Variants in TNKS observed in about 807,000 individuals in gnomAD.
The protein encoded by TNKS is poly [ADP-ribose] polymerase tankyrase-1.
Under a neutral mutation model 135.8 loss-of-function variants are expected in TNKS, and 72 were observed. The observed-to-expected ratio is 0.53, with a 90% CI of 0.44 to 0.64. The LOEUF is 0.64. Ranked by LOEUF, TNKS falls within the 30% of genes least tolerant of loss-of-function variation. The probability of loss-of-function intolerance (pLI) is 0.00; values close to 1 mark genes in which losing one functional copy is unlikely to be tolerated. For missense variants in TNKS, 1,769 were observed against 1,674.0 expected, an observed-to-expected ratio of 1.06 and a Z score of -0.99; for synonymous variants, 849 against 649.3, an observed-to-expected ratio of 1.31 and a Z score of -4.68.
chr8:9,685,469 T>C (rs1802950432), intron 5 of TNKS, among the ~76,000 whole-genome samples: 1 of 152,188 alleles, frequency 6.6e-6, no homozygotes, highest in South Asian at 2.1e-4. Flanking sequence ...TCCTACTCCT[T>C]TGATAATTTT....
chr8:9,770,183 C>T lies in TNKS; in HGVS notation c.3818C>T (p.Pro1273Leu). 6.2e-7 allele frequency: 1 copy of T among 1,613,452 alleles called. No homozygotes were observed. Among genetic ancestry groups the T allele is most frequent in the Non-Finnish European group, 8.5e-7 (1 of 1,179,958 alleles). The change falls in exon 26 of 27, where the codon CCA becomes CTA. Residue 1273 changes from proline (P) to leucine (L), a missense_variant. Physicochemically the swap from Pro to Leu is moderately conservative, Grantham distance 98. Around this residue, in one of 5 missense-constraint regions of TNKS, gnomAD observed 722 missense variants for 688.9 expected, o/e 1.05. Coordinates refer to ENST00000310430, the MANE Select transcript of TNKS (RefSeq NM_003747.3). ...FSTMKMAHAP[P>L]GHHSVIGRPS... ...ACCATGAAAATGGCCCACGCGCCTC[C>T]AGGGCACCACTCAGTCATTGGTAGA... is the stretch of plus-strand genomic sequence containing the variant.
chr8:9,590,738 A>G (rs925154398), intron 2 of TNKS, among the ~76,000 whole-genome samples: 2 of 152,122 alleles, frequency 1.3e-5, no homozygotes, highest in Admixed American at 6.5e-5. Flanking sequence ...GTCTATTCCT[A>G]TCTTTGTCCG....
intron 1 of TNKS, among the ~76,000 whole-genome samples, chr8:9,569,481 T>A (rs1797678890): frequency 6.6e-6 from 1 of 152,214 alleles, no homozygotes; most frequent in South Asian, 2.1e-4. Flanking sequence ...TCAGTACTAT[T>A]TTGTGGGAGA....
In TNKS at chr8:9,555,997, C is replaced by G. The variant is rs1815266339; in HGVS notation, c.58C>G (p.Pro20Ala). 9.9e-6 allele frequency: 16 copies of G among 1,613,406 alleles called. No homozygotes were observed. The highest frequency in any genetic ancestry group is 1.4e-5 in the Non-Finnish European group (16 of 1,179,868). The change falls in exon 1 of 27, where the codon CCC becomes GCC. Residue 20 changes from proline (P) to alanine (A), a missense_variant. Physicochemically the swap from Pro to Ala is conservative, Grantham distance 27 (BLOSUM62 -1). Around this residue, in one of 5 missense-constraint regions of TNKS, gnomAD observed 450 missense variants for 304.9 expected, o/e 1.48. Transcript: ENST00000310430. ...HHHHHQQQLQ[P>A]APGASAPPPP... is the part of the protein sequence containing the mutation. ...CCACCATCATCAACAACAGCTCCAG[C>G]CCGCCCCAGGGGCTTCAGCGCCGCC...
intron 3 of TNKS, among the ~76,000 whole-genome samples, chr8:9,627,552 C>G (rs1442892478): frequency 8.3e-6 from 1 of 120,582 alleles, no homozygotes; most frequent in Non-Finnish European, 1.7e-5. Context: ...TGCTTGCTTG[C>G]TTGCTTGCTT....
At chr8:9,751,567 A>G (rs1223377233) in intron 18 of TNKS, 42 bp from the exon 19 acceptor site, 7 of 1,558,274 alleles carry the variant, frequency 4.5e-6, no homozygotes, top group Non-Finnish European at 6.1e-6. Flanking sequence ...CCATTTTAAT[A>G]TATAGTATTT....
intron 2 of TNKS, among the ~76,000 whole-genome samples, chr8:9,598,326 T>C (rs1200158322): frequency 9.9e-5 from 15 of 152,092 alleles, no homozygotes; most frequent in African/African-American, 3.4e-4. Context: ...GGATTACAGG[T>C]GTGAGCCACC....
At chr8:9,750,436 T>A (rs1806460552) in intron 18 of TNKS, among the ~76,000 whole-genome samples, 1 of 152,200 alleles carries the variant, frequency 6.6e-6, no homozygotes, top group East Asian at 1.9e-4. Context: ...CAAGGCAGAA[T>A]TTGTTCTGGA....
At chr8:9,596,540 A>G (rs1331821097) in intron 2 of TNKS, among the ~76,000 whole-genome samples, 1 of 152,214 alleles carries the variant, frequency 6.6e-6, no homozygotes, top group African/African-American at 2.4e-5. Context: ...TTCATATGTA[A>G]GCAGAATCCA....
intron 3 of TNKS, among the ~76,000 whole-genome samples, chr8:9,652,143 A>G (rs1187855912): frequency 6.6e-6 from 1 of 152,234 alleles, no homozygotes; most frequent in Non-Finnish European, 1.5e-5. Flanking sequence ...TTAGAAGTCA[A>G]TAGGTCACCA....
chr8:9,710,711 A>T (rs1378436252), intron 11 of TNKS, among the ~76,000 whole-genome samples: 1 of 152,152 alleles, frequency 6.6e-6, no homozygotes, highest in Non-Finnish European at 1.5e-5. Context: ...CCTGGCTAAG[A>T]CGGTGAAACC....
At chr8:9,729,612 C>T (rs1287768103) in intron 13 of TNKS, among the ~76,000 whole-genome samples, 1 of 152,060 alleles carries the variant, frequency 6.6e-6, no homozygotes, top group Non-Finnish European at 1.5e-5. Flanking sequence ...AGTCTTTATT[C>T]TACCCCTTAC....
intron 3 of TNKS, among the ~76,000 whole-genome samples, chr8:9,645,051 A>G (rs887982192): frequency 3.3e-5 from 5 of 152,152 alleles, no homozygotes; most frequent in Admixed American, 2.6e-4. Flanking sequence ...ATTTTATTAC[A>G]CAAAGTTAAA....
chr8:9,562,180 G>A (rs760855480), intron 1 of TNKS, among the ~76,000 whole-genome samples: 2 of 151,778 alleles, frequency 1.3e-5, no homozygotes, highest in Non-Finnish European at 2.9e-5. Context: ...GTTTTATTCA[G>A]TTTTGTTGGG....
chr8:9,697,828 C>T (rs1000104906), intron 5 of TNKS, among the ~76,000 whole-genome samples: 5 of 152,066 alleles, frequency 3.3e-5, no homozygotes, highest in Admixed American at 6.6e-5. Context: ...TGCTTATACA[C>T]TGTGGAATGC....
At chr8:9,764,831 G>C in intron 23 of TNKS, 41 bp downstream of exon 23, 4 of 1,514,432 alleles carry the variant, frequency 2.6e-6, no homozygotes, top group Non-Finnish European at 3.6e-6. Flanking sequence ...GGATTGCAAG[G>C]CTTGCCTAAA....
At chr8:9,668,743 A>G (rs908387211) in intron 3 of TNKS, among the ~76,000 whole-genome samples, 1 of 152,220 alleles carries the variant, frequency 6.6e-6, no homozygotes, top group Non-Finnish European at 1.5e-5. Context: ...AACATGAGCA[A>G]AGACATTCAG....
rs551120487 is a variant in TNKS, at chr8:9,569,001, A to C, written c.674-11158A>C. Among the ~76,000 whole-genome samples, 4 of 152,346 alleles carry C rather than the reference A, an allele frequency of 2.6e-5. No individual in the cohort carries two copies. In the South Asian group the frequency reaches 8.3e-4, roughly 32 times the overall value. On this transcript the variant is annotated intron_variant, in intron 1 of 26. Transcript: ENST00000310430. ...TTCTTGAAGCTGTGCAGATATTCCA[A>C]ATGTTGACACATTTTACTTTGTAAT...
chr8:9,603,843 C>T lies in TNKS; in HGVS notation c.899-11739C>T, dbSNP rs565637043. Among the ~76,000 whole-genome samples, 17 of 152,034 alleles carry T rather than the reference C, an allele frequency of 1.1e-4. 2 individuals are homozygous for T. The highest frequency in any genetic ancestry group is 4.1e-4 in the African/African-American group (17 of 41,334). ...GATATTAAGAGAGAACAGAACTCAT[C>T]ACTCTTTTTGTGTCTCAAATTTAAT... On this transcript the variant is annotated intron_variant, in intron 2 of 26. Transcript: ENST00000310430.
Sources: allele counts gnomAD v4.1 joint callset (sites outside exome capture counted in the v4.1 genomes callset), GRCh38; gene constraint gnomAD v4.1.1; regional missense constraint gnomAD v4.1.1; transcripts MANE v1.5; gene names NCBI Gene and HGNC (gene_info 2026-07-23, HGNC 2026-07-21).